DRC8: variants seen among roughly 807,000 people sequenced by gnomAD.
DRC8 encodes dynein regulatory complex protein 8.
At chr1:245,046,230 A>C in the DRC8 span, among the ~76,000 whole-genome samples, 1 of 151,788 alleles carries the variant, frequency 6.6e-6, no homozygotes, top group African/African-American at 2.4e-5. Context: ...TTTTATTTTC[A>C]TCATTAAGCT....
chr1:244,988,694 G>A, the DRC8 span, among the ~76,000 whole-genome samples: 87 of 152,236 alleles, frequency 5.7e-4, no homozygotes, highest in Non-Finnish European at 1.1e-3. Flanking sequence ...TCCTGTGAAT[G>A]ACTAATAGAA....
the DRC8 span, among the ~76,000 whole-genome samples, chr1:245,117,418 A>T: frequency 6.6e-6 from 1 of 151,742 alleles, no homozygotes; most frequent in East Asian, 1.9e-4. Flanking sequence ...TTTTATTTTA[A>T]TTTTATTTTA....
At chr1:245,116,539 T>C in the DRC8 span, among the ~76,000 whole-genome samples, 136,938 of 152,204 alleles carry the variant, frequency 0.9, 61,869 homozygotes, top group Middle Eastern at 0.96. Flanking sequence ...AGCTAGCTAG[T>C]GTCCACCTCG....
the DRC8 span, among the ~76,000 whole-genome samples, chr1:245,035,853 C>T: frequency 8.7e-3 from 1,173 of 134,892 alleles, 17 homozygotes; most frequent in African/African-American, 0.033. Context: ...GGCAACAGAG[C>T]GAGACTCTGT....
At chr1:244,999,834 C>T in the DRC8 span, among the ~76,000 whole-genome samples, 5 of 151,292 alleles carry the variant, frequency 3.3e-5, no homozygotes, top group Admixed American at 2.6e-4. Flanking sequence ...TTTTTTGAGG[C>T]GGAGTCTTGC....
At chr1:244,994,052 T>C in the DRC8 span, among the ~76,000 whole-genome samples, 7 of 152,186 alleles carry the variant, frequency 4.6e-5, no homozygotes, top group Admixed American at 4.6e-4. Flanking sequence ...TGGACATTTA[T>C]TGATTAGGAC....
the DRC8 span, among the ~76,000 whole-genome samples, chr1:244,987,406 T>C: frequency 2.0e-5 from 3 of 152,038 alleles, no homozygotes; most frequent in African/African-American, 2.4e-5. Context: ...GGTTTCACCA[T>C]GTTGGCCAGG....
At chr1:244,985,637 G>A in the DRC8 span, among the ~76,000 whole-genome samples, 4 of 152,138 alleles carry the variant, frequency 2.6e-5, no homozygotes, top group African/African-American at 9.7e-5. Flanking sequence ...GCCAAGGTGG[G>A]CAGATCACTC....
the DRC8 span, among the ~76,000 whole-genome samples, chr1:245,001,938 T>G: frequency 6.6e-6 from 1 of 152,242 alleles, no homozygotes; most frequent in Admixed American, 6.5e-5. Flanking sequence ...ACTGACTTAC[T>G]CTTCTTTGAG....
chr1:245,103,018 G>A, the DRC8 span, among the ~76,000 whole-genome samples: 1 of 149,804 alleles, frequency 6.7e-6, no homozygotes. Context: ...GGTCAGGAGG[G>A]GGGACCAGAG....
the DRC8 span, among the ~76,000 whole-genome samples, chr1:245,031,704 AC>A: frequency 1.3e-5 from 2 of 152,106 alleles, no homozygotes; most frequent in African/African-American, 4.8e-5. Context: ...ATTTTGCTCC[AC>A]AGGGACCCAA....
the DRC8 span, among the ~76,000 whole-genome samples, chr1:245,042,513 T>A: frequency 6.6e-6 from 1 of 152,228 alleles, no homozygotes; most frequent in African/African-American, 2.4e-5. Context: ...ATAAGGTACA[T>A]GTGTGAAAAA....
the DRC8 span, among the ~76,000 whole-genome samples, chr1:245,050,450 C>T: frequency 5.3e-3 from 808 of 152,240 alleles, 4 homozygotes; most frequent in African/African-American, 0.018. Context: ...CCCCAGCTCT[C>T]TCCTATATTT....
chr1:245,075,431 G>A, the DRC8 span: 3 of 152,272 alleles, frequency 2.0e-5, no homozygotes, highest in African/African-American at 4.8e-5. Flanking sequence ...TTATTGAGAT[G>A]GCTCCATATT....
At chr1:244,992,077 A>G in the DRC8 span, among the ~76,000 whole-genome samples, 1 of 152,222 alleles carries the variant, frequency 6.6e-6, no homozygotes, top group Non-Finnish European at 1.5e-5. Context: ...ACATCTTTTT[A>G]TAGACGTATC....
chr1:245,064,894 C>T, the DRC8 span, among the ~76,000 whole-genome samples: 4 of 151,960 alleles, frequency 2.6e-5, no homozygotes, highest in East Asian at 1.9e-4. Flanking sequence ...CAAAGATTTA[C>T]GTTGGTGTAA....
chr1:245,074,149 A>C, the DRC8 span, among the ~76,000 whole-genome samples: 2 of 152,224 alleles, frequency 1.3e-5, no homozygotes, highest in African/African-American at 4.8e-5. Context: ...TATTAGGGAA[A>C]GGAGGGTCAC....
At chr1:245,066,813 A>G in the DRC8 span, among the ~76,000 whole-genome samples, 2 of 152,094 alleles carry the variant, frequency 1.3e-5, no homozygotes, top group South Asian at 4.1e-4. Context: ...AGGCTGAGGC[A>G]GGAGAATGGC....
At chr1:245,097,244 G>A in the DRC8 span, among the ~76,000 whole-genome samples, 1 of 152,092 alleles carries the variant, frequency 6.6e-6, no homozygotes, top group Non-Finnish European at 1.5e-5. The surrounding 1 kb of genome is among the most constrained non-coding windows in gnomAD (Gnocchi z 5.0). Flanking sequence ...AAACTGGTCG[G>A]GTGTGGTGGC....
Sources: allele counts gnomAD v4.1 joint callset (sites outside exome capture counted in the v4.1 genomes callset), GRCh38; gene constraint gnomAD v4.1.1; non-coding constraint Gnocchi (gnomAD v3.1); transcripts MANE v1.5; gene names NCBI Gene and HGNC (gene_info 2026-07-23, HGNC 2026-07-21).